The following LRMDA variants were observed in gnomAD, a reference collection of about 807,000 sequenced individuals.
The protein encoded by LRMDA is leucine rich melanocyte differentiation associated.
In LRMDA, 18 loss-of-function variants were observed where a neutral mutation model predicts 29.8. The ratio of observed to expected loss-of-function variants is 0.60; its 90% confidence interval spans 0.42 to 0.90. The LOEUF is 0.90. Ranked by LOEUF, LRMDA falls within the 40% of genes least tolerant of loss-of-function variation. The probability of loss-of-function intolerance (pLI) is 0.00; values close to 1 mark genes in which losing one functional copy is unlikely to be tolerated. For missense variants in LRMDA, 273 were observed against 273.9 expected (o/e 1.00, Z 0.02); for synonymous variants, 125 against 109.4 (o/e 1.14, Z -0.89).
chr10:75,706,875 A>G (rs930298174), intron 2 of LRMDA, among the ~76,000 whole-genome samples: 9 of 152,092 alleles, frequency 5.9e-5, no homozygotes, highest in Admixed American at 5.9e-4. Flanking sequence ...AGATAGATGA[A>G]GTGGTGGTGG....
At chr10:75,807,097 A>G (rs763773996) in intron 2 of LRMDA, among the ~76,000 whole-genome samples, 1 of 152,062 alleles carries the variant, frequency 6.6e-6, no homozygotes, top group Non-Finnish European at 1.5e-5. Context: ...AGTGTGCAGA[A>G]TATGTTCTCA....
At chr10:76,265,533 T>A (rs1304199578) in intron 5 of LRMDA, among the ~76,000 whole-genome samples, 1 of 152,128 alleles carries the variant, frequency 6.6e-6, no homozygotes, top group Non-Finnish European at 1.5e-5. Flanking sequence ...CGGGAAGTGC[T>A]CCTCACTTTC....
At chr10:76,099,017 A>C (rs1357421700) in intron 5 of LRMDA, among the ~76,000 whole-genome samples, 1 of 152,188 alleles carries the variant, frequency 6.6e-6, no homozygotes, top group Non-Finnish European at 1.5e-5. Context: ...AAAATATCTC[A>C]AGCATTGATC....
chr10:76,151,752 A>G (rs1564668072), intron 5 of LRMDA, among the ~76,000 whole-genome samples: 1 of 152,186 alleles, frequency 6.6e-6, no homozygotes, highest in South Asian at 2.1e-4. Flanking sequence ...TTCATATTAT[A>G]CACAACATCC....
At chr10:76,080,427 A>G (rs1469917542) in intron 5 of LRMDA, among the ~76,000 whole-genome samples, 2 of 152,184 alleles carry the variant, frequency 1.3e-5, no homozygotes, top group Non-Finnish European at 2.9e-5. Context: ...ACTGAGCTAT[A>G]CTGAGACAGT....
At chr10:75,533,020 C>T (rs748741901) in intron 2 of LRMDA, among the ~76,000 whole-genome samples, 3 of 152,086 alleles carry the variant, frequency 2.0e-5, no homozygotes, top group African/African-American at 7.2e-5. Flanking sequence ...AACACAGCCA[C>T]GTTTGTGGAG....
chr10:75,495,000 C>T (rs1415225995), intron 2 of LRMDA, among the ~76,000 whole-genome samples: 1 of 152,198 alleles, frequency 6.6e-6, no homozygotes, highest in Non-Finnish European at 1.5e-5. Context: ...AGGACATTTG[C>T]TCTTGCCTTT....
chr10:76,503,655 TG>T (rs1842933034), intron 6 of LRMDA, among the ~76,000 whole-genome samples: 1 of 151,786 alleles, frequency 6.6e-6, no homozygotes, highest in Non-Finnish European at 1.5e-5. Context: ...TTTGTATTTC[TG>T]TGGTATCAAT....
chr10:75,566,924 C>G (rs1298984972), intron 2 of LRMDA, among the ~76,000 whole-genome samples: 1 of 152,190 alleles, frequency 6.6e-6, no homozygotes, highest in Non-Finnish European at 1.5e-5. Context: ...TAAATGACAT[C>G]CCATGGGGGG....
chr10:75,666,949 G>T (rs1241949799), intron 2 of LRMDA, among the ~76,000 whole-genome samples: 1 of 152,168 alleles, frequency 6.6e-6, no homozygotes, highest in Admixed American at 6.5e-5. Flanking sequence ...AGTTATACAA[G>T]TTAACTGCAG....
chr10:76,130,533 GAA>G (rs1473037036), intron 5 of LRMDA, among the ~76,000 whole-genome samples: 1 of 152,210 alleles, frequency 6.6e-6, no homozygotes, highest in Non-Finnish European at 1.5e-5. Flanking sequence ...GTTGTTCTGT[GAA>G]ACTAGACCAG....
At chr10:75,934,468 G>T (rs916463732) in intron 2 of LRMDA, among the ~76,000 whole-genome samples, 1 of 152,122 alleles carries the variant, frequency 6.6e-6, no homozygotes, top group African/African-American at 2.4e-5. Flanking sequence ...TGAACCTTGA[G>T]TTGAAAGCAT....
At chr10:75,646,336 C>T (rs1841520981) in intron 2 of LRMDA, among the ~76,000 whole-genome samples, 1 of 152,154 alleles carries the variant, frequency 6.6e-6, no homozygotes, top group Non-Finnish European at 1.5e-5. Flanking sequence ...ATTTTCTTCT[C>T]CCTTCTTCCA....
intron 2 of LRMDA, among the ~76,000 whole-genome samples, chr10:75,694,568 T>C (rs1842208996): frequency 6.6e-6 from 1 of 152,154 alleles, no homozygotes; most frequent in Admixed American, 6.5e-5. Flanking sequence ...ATTCAATATG[T>C]ATATGGAGGA....
At chr10:76,195,427 C>G (rs886546840) in intron 5 of LRMDA, among the ~76,000 whole-genome samples, 6 of 152,164 alleles carry the variant, frequency 3.9e-5, no homozygotes, top group Non-Finnish European at 7.3e-5. Flanking sequence ...AATTAGCACT[C>G]AGCACCTTTG....
chr10:75,462,119 G>C (rs1402615368), intron 2 of LRMDA, among the ~76,000 whole-genome samples: 2 of 152,240 alleles, frequency 1.3e-5, no homozygotes, highest in Non-Finnish European at 2.9e-5. Flanking sequence ...AGAAGACAAA[G>C]TATGAAGCCT....
At position 76,479,772 on chromosome 10, in the gene LRMDA, C is replaced by T. The variant is rs150750170; in HGVS notation, c.602-77437C>T. ...GTATGACGGGTCGAAGGCGACTGAACATTTAGTTCCTCATTTTTTTTCCTG... is the reference window on the plus strand; with the variant it reads ...GTATGACGGGTCGAAGGCGACTGAATATTTAGTTCCTCATTTTTTTTCCTG... On this transcript the variant is annotated intron_variant, in intron 6 of 6. Transcript: ENST00000611255. Among the ~76,000 whole-genome samples, 260 of 152,040 alleles carry T rather than the reference C, an allele frequency of 1.7e-3. 2 individuals carry two copies. The highest frequency in any genetic ancestry group is 5.8e-3 in the Admixed American group (88 of 15,254).
At chr10:76,501,948 A>T (rs1242199710) in intron 6 of LRMDA, among the ~76,000 whole-genome samples, 1 of 151,968 alleles carries the variant, frequency 6.6e-6, no homozygotes, top group African/African-American at 2.4e-5. Context: ...CTCTGTCATG[A>T]AGAGTATTTC....
At chr10:76,337,572 T>C (rs964713279) in intron 6 of LRMDA, among the ~76,000 whole-genome samples, 5 of 151,872 alleles carry the variant, frequency 3.3e-5, no homozygotes, top group Admixed American at 1.3e-4. Context: ...AACCAAGAGG[T>C]CAGTGTGGCT....
Sources: allele counts gnomAD v4.1 joint callset (sites outside exome capture counted in the v4.1 genomes callset), GRCh38; gene constraint gnomAD v4.1.1; transcripts MANE v1.5; gene names NCBI Gene and HGNC (gene_info 2026-07-23, HGNC 2026-07-21).